C11orf71: variants seen among roughly 807,000 people sequenced by gnomAD.
The protein encoded by C11orf71 is uncharacterized protein C11orf71.
For synonymous variants in C11orf71, 72 were observed against 73.4 expected (o/e 0.98, Z 0.09); for missense variants, 179 against 167.6 (o/e 1.07, Z -0.38).
Position 114,399,568 on chromosome 11 carries a change from A to C in C11orf71, c.*392T>G. The C allele has an allele frequency of 5.9e-6, 1 of 169,560 alleles. No homozygotes were observed. The highest frequency in any genetic ancestry group is 1.7e-4 in the East Asian group (1 of 5,838). 10.5% of individuals were successfully genotyped at this position (169,560 alleles called of 1,614,324 possible). On this transcript the variant is annotated 3_prime_UTR_variant, in exon 1 of 1. Coordinates refer to ENST00000623205, the MANE Select transcript of C11orf71 (RefSeq NM_001271562.2). ...AGTGAAGGGGGAGATGGAAGATGGT[A>C]AATGCCAAGGAAAAGATGGAAGGAT...
downstream of C11orf71, among the ~76,000 whole-genome samples, chr11:114,394,237 CTTTTCTTTTCT>C (rs1946104006): frequency 2.2e-5 from 1 of 45,988 alleles, no homozygotes; most frequent in Admixed American, 3.1e-4. Flanking sequence ...TCTTTCTTTT[CTTTTCTTTTCT>C]TTTCTTTTCT....
At chr11:114,391,533 A>G in exon 2 of C11orf71, 1 of 1,231,552 alleles carries the variant, frequency 8.1e-7, no homozygotes, top group Admixed American at 2.7e-5. Flanking sequence ...TTTATCTTAA[A>G]TAATATAAAT....
chr11:114,394,237 CTTTTCTTTTCTTTTCT>C, downstream of C11orf71, among the ~76,000 whole-genome samples: 2 of 45,978 alleles, frequency 4.3e-5, no homozygotes, highest in Middle Eastern at 8.8e-3. Flanking sequence ...TCTTTCTTTT[CTTTTCTTTTCTTTTCT>C]TTTCTTTTCT....
downstream of C11orf71, among the ~76,000 whole-genome samples, chr11:114,397,364 T>G (rs1016626131): frequency 1.3e-5 from 2 of 152,182 alleles, no homozygotes; most frequent in Non-Finnish European, 2.9e-5. Flanking sequence ...TTTAGATAAT[T>G]TAATTAAAAA....
downstream of C11orf71, among the ~76,000 whole-genome samples, chr11:114,394,228 C>CTTTTCTTTTCTTTTCTTTCTTTTCTTTTT: frequency 6.2e-5 from 3 of 48,704 alleles, 1 homozygote; most frequent in Admixed American, 8.0e-4. Context: ...CTTTTCTTTT[C>CTTTTCTTTTCTTTTCTTTCTTTTCTTTTT]TTTCTTTTCT....
At chr11:114,397,472 T>A (rs572123406), downstream of C11orf71, among the ~76,000 whole-genome samples, 1 of 152,208 alleles carries the variant, frequency 6.6e-6, no homozygotes, top group Non-Finnish European at 1.5e-5. Context: ...AACAAGAATT[T>A]AGATATCCAT....
chr11:114,400,446 C>T lies in C11orf71; in HGVS notation c.-115G>A. Reference sequence around the variant, plus strand: ...CCCGATGACTAAGCACACAGGAACCCATAACTGAGCCTGCGGAAGAGCCAG... The same window carrying T: ...CCCGATGACTAAGCACACAGGAACCTATAACTGAGCCTGCGGAAGAGCCAG... On this transcript the variant is annotated 5_prime_UTR_variant, in exon 1 of 1. It removes an upstream start codon present in the reference 5' UTR. Coordinates refer to ENST00000623205, the MANE Select transcript of C11orf71 (RefSeq NM_001271562.2). 7.2e-7 allele frequency: 1 copy of T among 1,384,204 alleles called. No homozygotes were observed. The highest frequency in any genetic ancestry group is 9.6e-7 in the Non-Finnish European group (1 of 1,037,000). The allele number at this position is 1,384,204 out of a possible 1,614,324, so 85.7% of individuals were successfully genotyped here.
chr11:114,394,247 CTTTTCTTTTCTTTTCT>C (rs1565256605), downstream of C11orf71, among the ~76,000 whole-genome samples: 1 of 60,594 alleles, frequency 1.7e-5, no homozygotes, highest in Non-Finnish European at 2.8e-5. Context: ...CTTTTCTTTT[CTTTTCTTTTCTTTTCT>C]TTTCTTTTCT....
downstream of C11orf71, among the ~76,000 whole-genome samples, chr11:114,398,258 T>C (rs917482074): frequency 6.6e-6 from 1 of 152,226 alleles, no homozygotes; most frequent in East Asian, 1.9e-4. Flanking sequence ...CCATTGTATA[T>C]TACAAACTAA....
chr11:114,391,553 T>C (rs1364656428), exon 2 of C11orf71: 2 of 1,405,028 alleles, frequency 1.4e-6, no homozygotes, highest in South Asian at 1.4e-5. Flanking sequence ...TGTAATTATA[T>C]CACAAATCAG....
At chr11:114,394,224 T>C (rs1565256470), downstream of C11orf71, among the ~76,000 whole-genome samples, 5 of 74,478 alleles carry the variant, frequency 6.7e-5, no homozygotes, top group South Asian at 8.1e-4. Context: ...TTTTCTTTTC[T>C]TTTCTTTCTT....
chr11:114,391,467 G>T, exon 2 of C11orf71: 1 of 589,802 alleles, frequency 1.7e-6, no homozygotes, highest in Non-Finnish European at 2.6e-6. Context: ...GTTTTTTAAT[G>T]CATATTTCAT....
In C11orf71 at chr11:114,392,529, CAAAAA is replaced by C. The variant is rs386374967; in HGVS notation, c.344-869_344-865del. ...CTCCAGCCTAGGTGATAGAATGAGA[CAAAAA>C]AAAAAAAAAAAAAAAAGAAGAAGAA... is the stretch of plus-strand genomic sequence containing the variant. On this transcript the variant is annotated intron_variant, in intron 1 of 1. Coordinates refer to the C11orf71 transcript ENST00000325636. Among the ~76,000 whole-genome samples, 26 of 51,696 alleles carry C rather than the reference CAAAAA, an allele frequency of 5.0e-4. No individual in the cohort carries two copies. In the South Asian group the frequency reaches 5.7e-3, roughly 11 times the overall value. The allele number at this position is 51,696 out of a possible 152,430, so 33.9% of individuals were successfully genotyped here.
chr11:114,391,924 T>TA (rs57917465), intron 1 of C11orf71, among the ~76,000 whole-genome samples: 3 of 151,240 alleles, frequency 2.0e-5, no homozygotes, highest in East Asian at 1.9e-4. Context: ...TTTTTTTTTT[T>TA]AAAATAAAGC....
downstream of C11orf71, among the ~76,000 whole-genome samples, chr11:114,394,242 CTTTTCTTTTCTTTTCTTTTCTTTTCT>C (rs1303742010): frequency 3.6e-3 from 211 of 58,652 alleles, 3 homozygotes; most frequent in African/African-American, 8.0e-3. Context: ...CTTTTCTTTT[CTTTTCTTTTCTTTTCTTTTCTTTTCT>C]TTTCTTTTCT....
At chr11:114,394,228 C>CTTTTCTTTTTTTTCTTTTCT, downstream of C11orf71, among the ~76,000 whole-genome samples, 1 of 48,704 alleles carries the variant, frequency 2.1e-5, no homozygotes, top group Non-Finnish European at 3.6e-5. Context: ...CTTTTCTTTT[C>CTTTTCTTTTTTTTCTTTTCT]TTTCTTTTCT....
At chr11:114,394,267 CTT>C (rs778115460), downstream of C11orf71, among the ~76,000 whole-genome samples, 15 of 63,204 alleles carry the variant, frequency 2.4e-4, no homozygotes, top group South Asian at 9.6e-4. Flanking sequence ...CTTTTCTTTT[CTT>C]TTCTTTTCTT....
chr11:114,393,852 T>C (rs147137696), downstream of C11orf71, among the ~76,000 whole-genome samples: 120 of 152,358 alleles, frequency 7.9e-4, no homozygotes, highest in South Asian at 2.1e-3. Context: ...TTTTTACCTG[T>C]TGGACCACAA....
In C11orf71 at chr11:114,399,144, T is replaced by C. The variant is rs920988558; in HGVS notation, c.*816A>G. On this transcript the variant is annotated 3_prime_UTR_variant, in exon 1 of 1. Coordinates refer to ENST00000623205, the MANE Select transcript of C11orf71 (RefSeq NM_001271562.2). Reference sequence around the variant, plus strand: ...AGCGTGGTGATTCCTATTCACTTAGTAGCCTCCCCATCTAGAATATACTCC... The same window carrying C: ...AGCGTGGTGATTCCTATTCACTTAGCAGCCTCCCCATCTAGAATATACTCC... The C allele has an allele frequency of 3.3e-5, 5 of 152,160 alleles. No homozygotes were observed. The highest frequency in any genetic ancestry group is 5.9e-5 in the Non-Finnish European group (4 of 68,018). The allele number at this position is 152,160 out of a possible 1,614,324, so 9.4% of individuals were successfully genotyped here.
Sources: allele counts gnomAD v4.1 joint callset (sites outside exome capture counted in the v4.1 genomes callset), GRCh38; gene constraint gnomAD v4.1.1; transcripts MANE v1.5; gene names NCBI Gene and HGNC (gene_info 2026-07-23, HGNC 2026-07-21).